The following FGF18 variants were observed in gnomAD, a reference collection of about 807,000 sequenced individuals.
FGF18 encodes fibroblast growth factor 18.
In FGF18, 5 loss-of-function variants were observed where a neutral mutation model predicts 23.0. The observed-to-expected ratio is 0.22, with a 90% CI of 0.11 to 0.46. The LOEUF is 0.46. Ranked by LOEUF, FGF18 falls within the 20% of genes least tolerant of loss-of-function variation. FGF18 has a pLI of 0.99. For missense variants in FGF18, 180 were observed against 291.6 expected (o/e 0.62, Z 2.79); for synonymous variants, 117 against 118.9 (o/e 0.98, Z 0.10).
chr5:171,447,107 C>T (rs1207289208), intron 3 of FGF18, among the ~76,000 whole-genome samples: 2 of 152,200 alleles, frequency 1.3e-5, no homozygotes, highest in Non-Finnish European at 2.9e-5. Flanking sequence ...TTCACAGCAT[C>T]ATTTTGTATA....
At chr5:171,425,529 CTTTTTTTT>C (rs77671680) in intron 2 of FGF18, among the ~76,000 whole-genome samples, 1 of 106,206 alleles carries the variant, frequency 9.4e-6, no homozygotes, top group Non-Finnish European at 1.9e-5. Context: ...CCGCCATGTG[CTTTTTTTT>C]TTTTTTTTTT....
chr5:171,425,131 CAGG>C (rs35541708), intron 2 of FGF18, among the ~76,000 whole-genome samples: 3,930 of 152,272 alleles, frequency 0.026, 73 homozygotes, highest in Non-Finnish European at 0.039. Flanking sequence ...AGTCCTCTAG[CAGG>C]AGACTTGTGG....
Position 171,421,083 on chromosome 5 carries a change from G to A in FGF18, c.69+640G>A, listed in dbSNP as rs558339248. Among the ~76,000 whole-genome samples, 785 of 152,336 alleles carry A rather than the reference G, an allele frequency of 5.2e-3. 1 individual carries two copies. The highest frequency in any genetic ancestry group is 7.6e-3 in the Non-Finnish European group (520 of 68,038). The stretch of plus-strand genomic sequence containing the variant: ...TTGGTTCCCCGCCTGCTCCCGGTTC[G>A]CTCGCTCTCCGTGAATCAGAAGAGG... On this transcript the variant is annotated intron_variant, in intron 2 of 4. Coordinates refer to ENST00000274625, the MANE Select transcript of FGF18 (RefSeq NM_003862.3).
At position 171,440,145 on chromosome 5, in the gene FGF18, A is replaced by C. The variant is rs1772320046; in HGVS notation, c.250+3872A>C. Among the ~76,000 whole-genome samples, 1 of 152,160 alleles carries C rather than the reference A, an allele frequency of 6.6e-6. No individual in the cohort carries two copies. Among genetic ancestry groups the C allele is most frequent in the Non-Finnish European group, 1.5e-5 (1 of 68,034 alleles). ...TTCTACAAACAGGGAAATTGAAATG[A>C]GAGAATCTTATGCCCAAAGATTATA... On this transcript the variant is annotated intron_variant, in intron 3 of 4. Coordinates refer to ENST00000274625, the MANE Select transcript of FGF18 (RefSeq NM_003862.3). The surrounding 1 kb of genome is among the most constrained non-coding windows in gnomAD (Gnocchi z 4.0).
In FGF18 at chr5:171,456,410, A is replaced by T; in HGVS notation, c.358-129A>T. 1 of 858,850 alleles carries T rather than the reference A, an allele frequency of 1.2e-6. No homozygotes were observed. The highest frequency in any genetic ancestry group is 1.8e-6 in the Non-Finnish European group (1 of 559,264). 53.2% of individuals were successfully genotyped at this position (858,850 alleles called of 1,614,324 possible). A position where few individuals can be genotyped will look rare whatever the true frequency, so the allele number is the denominator to read the frequency against. Reference sequence around the variant, plus strand: ...GAGTTAAGCTCAATCTCTCTCCCCCACTGCAAAACTTCATTACAGTTGTCC... The same window carrying T: ...GAGTTAAGCTCAATCTCTCTCCCCCTCTGCAAAACTTCATTACAGTTGTCC... On this transcript the variant is annotated intron_variant, in intron 4 of 4. Transcript: ENST00000274625. The surrounding 1 kb of genome is among the most constrained non-coding windows in gnomAD (Gnocchi z 6.1).
chr5:171,454,502 G>A (rs189922923), intron 4 of FGF18, among the ~76,000 whole-genome samples: 56 of 152,178 alleles, frequency 3.7e-4, no homozygotes, highest in African/African-American at 1.3e-3. Context: ...TGTCCTCTGG[G>A]TCCCACGTGT....
At position 171,440,273 on chromosome 5, in the gene FGF18, G is replaced by T. The variant is rs138730306; in HGVS notation, c.250+4000G>T. ...GGCTCAGGTGAGGAACTGCCATCAG[G>T]TACTGGCTCCAGAGGCTTCCAGAAA... is the stretch of plus-strand genomic sequence containing the variant. On this transcript the variant is annotated intron_variant, in intron 3 of 4. Transcript: ENST00000274625. This position sits in a 1 kb window ranked among gnomAD's most constrained non-coding sequence, Gnocchi z 4.0. Among the ~76,000 whole-genome samples the T allele has an allele frequency of 1.3e-5, 2 of 152,096 alleles. No homozygotes were observed. Among genetic ancestry groups the T allele is most frequent in the African/African-American group, 2.4e-5 (1 of 41,404 alleles).
chr5:171,435,511 G>A (rs927428717), intron 2 of FGF18, among the ~76,000 whole-genome samples: 1 of 152,152 alleles, frequency 6.6e-6, no homozygotes, highest in African/African-American at 2.4e-5. Flanking sequence ...CAAATGCTTG[G>A]TGTGGGAGCC....
At chr5:171,450,608 A>G (rs1772484429) in intron 4 of FGF18, among the ~76,000 whole-genome samples, 1 of 152,252 alleles carries the variant, frequency 6.6e-6, no homozygotes, top group African/African-American at 2.4e-5. Context: ...AGGCTTCTCA[A>G]AGAGCAAAAT....
chr5:171,429,629 G>T (rs534624172), intron 2 of FGF18, among the ~76,000 whole-genome samples: 1 of 152,400 alleles, frequency 6.6e-6, no homozygotes, highest in Admixed American at 6.5e-5. Flanking sequence ...AGGTGGTGTG[G>T]AATGTGGCTG....
rs1255340626 is a variant in FGF18, at chr5:171,456,852, C to A, written c.*47C>A. The A allele has an allele frequency of 6.5e-7, 1 of 1,549,442 alleles. No individual in the cohort carries two copies. The highest frequency in any genetic ancestry group is 8.7e-7 in the Non-Finnish European group (1 of 1,149,280). Reference sequence around the variant, plus strand: ...AGGTCGCCCTGGCCACACTCACACTCCCAGAAAACTGCATCAGAGGAATAT... The same window carrying A: ...AGGTCGCCCTGGCCACACTCACACTACCAGAAAACTGCATCAGAGGAATAT... On this transcript the variant is annotated 3_prime_UTR_variant, in exon 5 of 5. Coordinates refer to ENST00000274625, the MANE Select transcript of FGF18 (RefSeq NM_003862.3). The surrounding 1 kb of genome is among the most constrained non-coding windows in gnomAD (Gnocchi z 6.1).
chr5:171,450,520 G>A (rs561296648), intron 4 of FGF18, among the ~76,000 whole-genome samples: 192 of 152,312 alleles, frequency 1.3e-3, no homozygotes, highest in African/African-American at 4.3e-3. Context: ...CTTGTCCCAG[G>A]TCCCACACTA....
rs952244785 is a variant in FGF18, at chr5:171,420,095, A to AGCG, written c.-79_-77dup. ...CAGCCGGCGAGGAGGGAGCAGCAGC[A>AGCG]GCGGCGGCGGCGGCGGCGGCGGCGG... On this transcript the variant is annotated 5_prime_UTR_variant, in exon 1 of 5. Transcript: ENST00000274625. 4.5e-4 allele frequency: 403 copies of AGCG among 895,698 alleles called. No individual in the cohort carries two copies. The highest frequency in any genetic ancestry group is 6.5e-4 in the South Asian group (18 of 27,554). The allele number at this position is 895,698 out of a possible 1,614,324, so 55.5% of individuals were successfully genotyped here. A position where few individuals can be genotyped will look rare whatever the true frequency, so the allele number is the denominator to read the frequency against.
chr5:171,421,025 C>T (rs1194836953), intron 2 of FGF18, among the ~76,000 whole-genome samples: 1 of 152,262 alleles, frequency 6.6e-6, no homozygotes, highest in African/African-American at 2.4e-5. Flanking sequence ...GGCCGCGCTC[C>T]GCACTCCCTC....
Position 171,456,670 on chromosome 5 carries a change from C to T in FGF18, c.489C>T (p.Pro163=). 6.2e-7 allele frequency: 1 copy of T among 1,613,990 alleles called. No individual in the cohort carries two copies. Residue 163 remains proline, a synonymous_variant, in exon 5 of 5, where the codon CCC becomes CCT. Transcript: ENST00000274625. The surrounding 1 kb of genome is among the most constrained non-coding windows in gnomAD (Gnocchi z 6.1). The part of the protein sequence containing the change: ...FTKKGRPRKG[P]KTRENQQDVH... ...AGAAGGGGCGGCCGCGGAAGGGCCC[C>T]AAGACCCGGGAGAACCAGCAGGACG... is the stretch of plus-strand genomic sequence containing the variant.
chr5:171,453,425 C>A (rs1384290240), intron 4 of FGF18, among the ~76,000 whole-genome samples: 1 of 152,184 alleles, frequency 6.6e-6, no homozygotes, highest in Admixed American at 6.5e-5. Context: ...CCTTGTACAT[C>A]CAAAACCTCG....
At chr5:171,442,265 T>C (rs1772357861) in intron 3 of FGF18, among the ~76,000 whole-genome samples, 1 of 152,162 alleles carries the variant, frequency 6.6e-6, no homozygotes, top group Admixed American at 6.5e-5. Context: ...TGTGTGTGTG[T>C]GCCTGGGTGT....
Position 171,420,129 on chromosome 5 carries a change from C to T in FGF18, c.-71C>T. 1 of 1,293,806 alleles carries T rather than the reference C, an allele frequency of 7.7e-7. No homozygotes were observed. Among genetic ancestry groups the T allele is most frequent in the South Asian group, 2.4e-5 (1 of 42,298 alleles). The allele number at this position is 1,293,806 out of a possible 1,614,324, so 80.1% of individuals were successfully genotyped here. A position where few individuals can be genotyped will look rare whatever the true frequency, so the allele number is the denominator to read the frequency against. On this transcript the variant is annotated 5_prime_UTR_variant, in exon 1 of 5. Transcript: ENST00000274625. ...GGCGGCGGCGGCGGCGGCGGAGGCG[C>T]CCGGTCCCGGCCGCGCGGAGCGGAC...
At chr5:171,435,945 G>A in intron 2 of FGF18, 148 bp from the exon 3 acceptor site, 2 of 559,120 alleles carry the variant, frequency 3.6e-6, no homozygotes, top group Non-Finnish European at 5.6e-6. Context: ...AATGGGGGTA[G>A]TGAGGGGGTG....
Sources: gnomAD v4.1 joint callset for allele counts (sites outside exome capture counted in the v4.1 genomes callset) on GRCh38, gnomAD v4.1.1 for gene constraint, Gnocchi (gnomAD v3.1) non-coding constraint, MANE v1.5 for transcripts, NCBI Gene and HGNC (gene_info 2026-07-23, HGNC 2026-07-21) for gene names.